Variants in MAPK8 observed in about 807,000 individuals in gnomAD.
The protein encoded by MAPK8 is mitogen-activated protein kinase 8.
A neutral mutation model predicts 52.9 loss-of-function variants in MAPK8; 13 were observed. The ratio of observed to expected loss-of-function variants is 0.25; its 90% CI spans 0.16 to 0.39. The LOEUF (loss-of-function observed/expected upper bound fraction) is 0.39, where lower values mean the gene tolerates loss of function less well. Ranked by LOEUF, MAPK8 falls within the 10% of genes least tolerant of loss-of-function variation. The pLI is 1.00. For synonymous variants in MAPK8, 191 were observed against 169.8 expected (o/e 1.12, Z -0.97); for missense variants, 300 against 519.2 (o/e 0.58, Z 4.10).
intron 1 of MAPK8, among the ~76,000 whole-genome samples, chr10:48,340,527 CT>C (rs140783449): frequency 0.024 from 3,608 of 152,264 alleles, 143 homozygotes; most frequent in African/African-American, 0.082. Flanking sequence ...TATGTGCCCC[CT>C]GAATCTATAC....
intron 1 of MAPK8, among the ~76,000 whole-genome samples, chr10:48,328,790 A>T (rs947097113): frequency 6.6e-6 from 1 of 152,262 alleles, no homozygotes; most frequent in African/African-American, 2.4e-5. Flanking sequence ...AACTGTATCC[A>T]GCCAAACTCT....
In MAPK8 at chr10:48,420,298, T is replaced by C; in HGVS notation, c.594T>C (p.Leu198=). ...TRYYRAPEVI[L]GMGYKENVDL... ...ACTACAGAGCACCCGAGGTCATCCT[T>C]GGCATGGGCTACAAGGAAAACGGTC... The change falls in exon 6 of 12, where the codon CTT becomes CTC. Residue 198 remains leucine, a synonymous_variant. Transcript: ENST00000374189. 1 of 1,611,142 alleles carries C rather than the reference T, an allele frequency of 6.2e-7. No individual in the cohort carries two copies. Among genetic ancestry groups the C allele is most frequent in the Non-Finnish European group, 8.5e-7 (1 of 1,178,388 alleles).
intron 2 of MAPK8, among the ~76,000 whole-genome samples, chr10:48,404,011 C>T (rs1402811830): frequency 6.6e-6 from 1 of 150,514 alleles, no homozygotes; most frequent in African/African-American, 2.5e-5. Context: ...TCTCGATCTC[C>T]TGATCTCGTG....
intron 1 of MAPK8, among the ~76,000 whole-genome samples, chr10:48,394,293 A>G (rs929202305): frequency 6.6e-6 from 1 of 151,992 alleles, no homozygotes. Context: ...TTACTCTAAT[A>G]TGAAAGAAAA....
At chr10:48,321,265 T>G (rs1842973375) in intron 1 of MAPK8, among the ~76,000 whole-genome samples, 1 of 151,870 alleles carries the variant, frequency 6.6e-6, no homozygotes, top group African/African-American at 2.4e-5. Context: ...TTTTTAAAAT[T>G]TTTTGTAGAG....
rs1323103105 is a variant in MAPK8, at chr10:48,401,775, A to G, written c.115A>G (p.Ile39Val). 2 of 1,496,374 alleles carry G rather than the reference A, an allele frequency of 1.3e-6. No homozygotes were observed. Among genetic ancestry groups the G allele is most frequent in the Non-Finnish European group, 1.8e-6 (2 of 1,126,982 alleles). 92.7% of individuals were successfully genotyped at this position (1,496,374 alleles called of 1,614,324 possible). The change falls in exon 2 of 12, where the codon ATA becomes GTA. Residue 39 changes from isoleucine (I) to valine (V), a missense_variant. This residue lies in a region of MAPK8 where 147 missense variants were observed against 328.1 expected (regional missense o/e 0.45). Transcript: ENST00000374189. ...LKPIGSGAQGIVCAAYDAILE... is the reference protein window; with the variant it reads ...LKPIGSGAQGVVCAAYDAILE... ...ACCTATAGGCTCAGGAGCTCAAGGA[A>G]TAGTATGGTAAGTGTTTACTTCCAA... is the stretch of plus-strand genomic sequence containing the variant.
Position 48,413,830 on chromosome 10 carries a change from T to TTCA in MAPK8, c.450+3662_450+3663insTCA, listed in dbSNP as rs1190112654. Among the ~76,000 whole-genome samples, 7 of 92,234 alleles carry TTCA rather than the reference T, an allele frequency of 7.6e-5. No individual in the cohort carries two copies. The South Asian group carries it at 1.3e-3, about 17-fold the overall frequency. 60.5% of individuals were successfully genotyped at this position (92,234 alleles called of 152,430 possible). A position where few individuals can be genotyped will look rare whatever the true frequency, so the allele number is the denominator to read the frequency against. On this transcript the variant is annotated intron_variant, in intron 5 of 11. Transcript: ENST00000374189. ...GCCAGAATTGTTATATATATATATA[T>TTCA]ATATATATATATATATATATATATA...
intron 1 of MAPK8, among the ~76,000 whole-genome samples, chr10:48,377,575 C>T (rs926763022): frequency 6.6e-6 from 1 of 152,118 alleles, no homozygotes; most frequent in African/African-American, 2.4e-5. Flanking sequence ...AGAGAAGATG[C>T]TCACCCTTGT....
chr10:48,345,067 T>A (rs1002466794), intron 1 of MAPK8, among the ~76,000 whole-genome samples: 1 of 152,204 alleles, frequency 6.6e-6, no homozygotes. Flanking sequence ...TGTAATAATA[T>A]AAGATGCGGC....
chr10:48,389,925 C>T (rs1008606558), intron 1 of MAPK8, among the ~76,000 whole-genome samples: 4 of 152,080 alleles, frequency 2.6e-5, no homozygotes, highest in African/African-American at 9.7e-5. Flanking sequence ...ATTTATTATA[C>T]GGAATTAGTT....
At chr10:48,378,729 A>G (rs1248345601) in intron 1 of MAPK8, among the ~76,000 whole-genome samples, 2 of 151,660 alleles carry the variant, frequency 1.3e-5, no homozygotes, top group African/African-American at 4.8e-5. Context: ...TTTTTTTAAA[A>G]TACATAATTA....
chr10:48,398,237 G>GT (rs1232617239), intron 1 of MAPK8, among the ~76,000 whole-genome samples: 1 of 152,064 alleles, frequency 6.6e-6, no homozygotes, highest in Non-Finnish European at 1.5e-5. Flanking sequence ...CAAAGGATGT[G>GT]TATCTAGAAT....
chr10:48,372,777 G>A (rs960947752), intron 1 of MAPK8, among the ~76,000 whole-genome samples: 6 of 152,120 alleles, frequency 3.9e-5, no homozygotes, highest in African/African-American at 1.4e-4. Context: ...GAAAGTGACC[G>A]GGAGAATGGA....
chr10:48,417,888 T>C (rs2043149459), intron 5 of MAPK8, among the ~76,000 whole-genome samples: 2 of 152,218 alleles, frequency 1.3e-5, no homozygotes, highest in South Asian at 4.1e-4. Flanking sequence ...ATGCAACCAG[T>C]AGCTACCAAC....
At chr10:48,386,078 C>T (rs376473966) in intron 1 of MAPK8, among the ~76,000 whole-genome samples, 145 of 152,198 alleles carry the variant, frequency 9.5e-4, no homozygotes, top group Middle Eastern at 3.4e-3. Flanking sequence ...GGACACTTCT[C>T]ATTTGCTATT....
In MAPK8 at chr10:48,436,728, T is replaced by A. The variant is rs1032923554; in HGVS notation, c.*1699T>A. 6.6e-6 allele frequency: 1 copy of A among 152,244 alleles called. No homozygotes were observed. The highest frequency in any genetic ancestry group is 6.5e-5 in the Admixed American group (1 of 15,294). 9.4% of individuals were successfully genotyped at this position (152,244 alleles called of 1,614,324 possible). A position where few individuals can be genotyped will look rare whatever the true frequency, so the allele number is the denominator to read the frequency against. On this transcript the variant is annotated 3_prime_UTR_variant, in exon 12 of 12. Coordinates refer to ENST00000374189, the MANE Select transcript of MAPK8 (RefSeq NM_001323329.2). ...TAAGATTAAAATACATTAGCTTTTT[T>A]ATATACTTTGAAGTAGCAAGTTTGT... is the stretch of plus-strand genomic sequence containing the variant.
At chr10:48,422,388 A>G (rs1381559613) in intron 6 of MAPK8, among the ~76,000 whole-genome samples, 4 of 152,154 alleles carry the variant, frequency 2.6e-5, no homozygotes, top group African/African-American at 9.7e-5. Flanking sequence ...GGCTACTCAG[A>G]GCATTTTGGA....
At chr10:48,319,657 T>C (rs1842807966) in intron 1 of MAPK8, among the ~76,000 whole-genome samples, 1 of 151,862 alleles carries the variant, frequency 6.6e-6, no homozygotes, top group Admixed American at 6.6e-5. Context: ...GCCTGGCTAA[T>C]TTTTTTGTAT....
intron 11 of MAPK8, among the ~76,000 whole-genome samples, chr10:48,434,510 C>CA (rs1391399288): frequency 2.6e-5 from 4 of 151,850 alleles, no homozygotes; most frequent in Non-Finnish European, 5.9e-5. Context: ...ATCCTCTGTC[C>CA]AAAAAAAGGC....
Sources: gnomAD v4.1 joint callset for allele counts (sites outside exome capture counted in the v4.1 genomes callset) on GRCh38, gnomAD v4.1.1 for gene constraint, gnomAD v4.1.1 regional missense constraint, MANE v1.5 for transcripts, NCBI Gene and HGNC (gene_info 2026-07-23, HGNC 2026-07-21) for gene names.